The following POF1B variants were observed in gnomAD, a reference collection of about 807,000 sequenced individuals.
POF1B encodes POF1B actin binding protein, also known as protein POF1B.
Under a neutral mutation model 55.3 loss-of-function variants are expected in POF1B, and 53 were observed. That is an observed-to-expected ratio of 0.96 (90% CI 0.77 to 1.20). The LOEUF is 1.20. Among genes scored for constraint, POF1B ranks in the 50% most tolerant of loss-of-function variants. The pLI is 0.00. For synonymous variants in POF1B, 188 were observed against 148.3 expected, an observed-to-expected ratio of 1.27 and a Z score of -1.95; for missense variants, 478 against 420.5, an observed-to-expected ratio of 1.14 and a Z score of -1.20.
intron 5 of POF1B, among the ~76,000 whole-genome samples, chrX:85,348,734 TC>T (rs1276447973): frequency 9.0e-6 from 1 of 111,428 alleles, no homozygotes; most frequent in East Asian, 2.8e-4. Context: ...AAGTAAATAT[TC>T]GAGTTAACAG....
chrX:85,283,592 T>C (rs1364602430), intron 15 of POF1B, among the ~76,000 whole-genome samples: 1 of 110,245 alleles, frequency 9.1e-6, no homozygotes, highest in Non-Finnish European at 1.9e-5. Context: ...TCCTCATATA[T>C]ATATAATTAA....
At chrX:85,324,919 G>C (rs898811062) in intron 7 of POF1B, among the ~76,000 whole-genome samples, 4 of 111,842 alleles carry the variant, frequency 3.6e-5, no homozygotes, top group Non-Finnish European at 7.5e-5. Flanking sequence ...TTGCTTCTCT[G>C]AAAAGGATCT....
At position 85,379,296 on chromosome X, in the gene POF1B, C is replaced by G. The variant is rs1430159273; in HGVS notation, c.159G>C (p.Arg53Ser). 1.7e-6 allele frequency: 2 copies of G among 1,210,446 alleles called. No homozygotes were observed. Among genetic ancestry groups the G allele is most frequent in the East Asian group, 3.0e-5 (1 of 33,745 alleles). Residue 53 changes from arginine to serine, a missense_variant, in exon 2 of 17, where the codon AGG (arginine) becomes AGC (serine). Arg to Ser is a moderately radical substitution (Grantham distance 110). Transcript: ENST00000262753. The part of the protein sequence containing the change: ...PEKNVVYERV[R>S]TYSGPMNKVV... The stretch of plus-strand genomic sequence containing the variant: ...CCTTGTTCATGGGCCCACTGTAGGT[C>G]CTCACTCGCTCATACACTACATTTT...
At chrX:85,316,935 C>T in intron 7 of POF1B, among the ~76,000 whole-genome samples, 1 of 110,666 alleles carries the variant, frequency 9.0e-6, no homozygotes, top group East Asian at 2.9e-4. Context: ...TCTATATGTA[C>T]TCAATGTTTA....
At chrX:85,319,301 A>T (rs763742926) in intron 7 of POF1B, among the ~76,000 whole-genome samples, 1 of 111,547 alleles carries the variant, frequency 9.0e-6, no homozygotes, top group East Asian at 2.8e-4. Context: ...GTATAGAATC[A>T]TATTGTCTGC....
chrX:85,362,803 T>A (rs1933647471), intron 3 of POF1B, among the ~76,000 whole-genome samples: 1 of 111,681 alleles, frequency 9.0e-6, no homozygotes, highest in African/African-American at 3.3e-5. Context: ...TTTTTTGTAG[T>A]ACTTTCAATA....
intron 6 of POF1B, among the ~76,000 whole-genome samples, chrX:85,338,239 C>G (rs1933110302): frequency 9.0e-6 from 1 of 111,490 alleles, no homozygotes; most frequent in African/African-American, 3.2e-5. Flanking sequence ...CCTAATCTTT[C>G]AAGGTAAGTA....
chrX:85,374,291 T>A (rs1186206533), intron 2 of POF1B, among the ~76,000 whole-genome samples: 3 of 111,433 alleles, frequency 2.7e-5, no homozygotes, highest in Non-Finnish European at 5.7e-5. Context: ...CTTCATACAA[T>A]TTTCTCTGCA....
intron 5 of POF1B, among the ~76,000 whole-genome samples, chrX:85,350,798 C>T (rs920993244): frequency 9.0e-6 from 1 of 111,409 alleles, no homozygotes; most frequent in African/African-American, 3.3e-5. Flanking sequence ...TACCATCTCA[C>T]ACCAGTTAGA....
intron 4 of POF1B, among the ~76,000 whole-genome samples, chrX:85,356,225 C>T (rs760201380): frequency 1.9e-5 from 2 of 107,511 alleles, no homozygotes; most frequent in South Asian, 8.3e-4. Context: ...AACCAAACAC[C>T]GCATGTTCTC....
intron 3 of POF1B, among the ~76,000 whole-genome samples, chrX:85,366,416 G>T (rs1345975384): frequency 9.0e-6 from 1 of 111,553 alleles, no homozygotes; most frequent in Non-Finnish European, 1.9e-5. Context: ...TAATCTCTAG[G>T]TGGGGGAAGG....
intron 7 of POF1B, among the ~76,000 whole-genome samples, chrX:85,318,980 C>A (rs1456764256): frequency 9.0e-6 from 1 of 111,379 alleles, no homozygotes; most frequent in Non-Finnish European, 1.9e-5. Flanking sequence ...TTTGATAATA[C>A]TGATTATTCC....
intron 7 of POF1B, among the ~76,000 whole-genome samples, chrX:85,328,011 G>A (rs990250000): frequency 6.3e-5 from 7 of 110,574 alleles, no homozygotes; most frequent in Non-Finnish European, 1.1e-4. Flanking sequence ...GATACAAAAG[G>A]GGAGGGAGAG....
chrX:85,286,644 G>C (rs1932061252), intron 15 of POF1B, among the ~76,000 whole-genome samples: 1 of 111,507 alleles, frequency 9.0e-6, no homozygotes, highest in Non-Finnish European at 1.9e-5. Flanking sequence ...GAAAGTTGGA[G>C]TAGTTATATA....
At chrX:85,335,596 A>G (rs753797039) in intron 6 of POF1B, among the ~76,000 whole-genome samples, 31 of 111,461 alleles carry the variant, frequency 2.8e-4, no homozygotes, top group Admixed American at 1.4e-3. Context: ...AAAGAATTTT[A>G]GGTTCTGAAA....
rs1428575327 is a variant in POF1B at position 85,306,179 on chromosome X, A to G, written c.1317+2T>C. ...TGTATATTTAAAAGGAAGTTTTAATACCTGCATTCTAAGGTTTTGATTCTC... is the reference window on the plus strand; with the variant it reads ...TGTATATTTAAAAGGAAGTTTTAATGCCTGCATTCTAAGGTTTTGATTCTC... On this transcript the variant is annotated splice_donor_variant, in intron 12 of 16. Coordinates refer to ENST00000262753, the MANE Select transcript of POF1B (RefSeq NM_024921.4). LOFTEE classifies it high-confidence loss of function. The G allele has an allele frequency of 8.4e-7, 1 of 1,191,974 alleles. No individual in the cohort carries two copies. The highest frequency in any genetic ancestry group is 2.2e-5 in the Admixed American group (1 of 44,753).
intron 10 of POF1B, among the ~76,000 whole-genome samples, 153 bp from the exon 11 acceptor site, chrX:85,307,429 G>A (rs944725612): frequency 3.6e-5 from 4 of 111,910 alleles, no homozygotes; most frequent in Admixed American, 1.9e-4. Context: ...AAGAAAATAC[G>A]GGATAGGAAA....
chrX:85,370,231 C>T (rs1239717199), intron 2 of POF1B, among the ~76,000 whole-genome samples: 3 of 111,826 alleles, frequency 2.7e-5, no homozygotes, highest in Non-Finnish European at 5.7e-5. Context: ...AAATGGCAAA[C>T]AGTTGTATTT....
intron 6 of POF1B, among the ~76,000 whole-genome samples, chrX:85,334,132 T>A (rs1413626028): frequency 9.0e-6 from 1 of 111,110 alleles, no homozygotes; most frequent in Non-Finnish European, 1.9e-5. Context: ...TGTGGGTGTG[T>A]TTCGACATAG....
Sources: allele counts gnomAD v4.1 joint callset (sites outside exome capture counted in the v4.1 genomes callset), GRCh38; gene constraint gnomAD v4.1.1; transcripts MANE v1.5; gene names NCBI Gene and HGNC (gene_info 2026-07-23, HGNC 2026-07-21).